Variants in IL36B observed in about 807,000 individuals in gnomAD.
The protein encoded by IL36B is interleukin 36 beta.
IL36B carries 23 observed loss-of-function variants against 19.3 expected under a neutral mutation model. The observed-to-expected ratio is 1.19, with a 90% CI of 0.86 to 1.69. The LOEUF (loss-of-function observed/expected upper bound fraction) is 1.69, where lower values mean the gene tolerates loss of function less well. Among genes scored for constraint, IL36B ranks in the 40% most tolerant of loss-of-function variants. The pLI is 0.00. For missense variants in IL36B, 217 were observed against 200.5 expected, an observed-to-expected ratio of 1.08 and a Z score of -0.50; for synonymous variants, 59 against 59.7, an observed-to-expected ratio of 0.99 and a Z score of 0.05.
chr2:113,023,108 A>T (rs767208011), intron 5 of IL36B, among the ~76,000 whole-genome samples: 1 of 152,222 alleles, frequency 6.6e-6, no homozygotes, highest in East Asian at 1.9e-4. Context: ...TGGCATCAAC[A>T]TAGTTTCTAA....
intron 5 of IL36B, among the ~76,000 whole-genome samples, chr2:113,023,649 G>A (rs1051023110): frequency 3.3e-5 from 5 of 152,172 alleles, no homozygotes; most frequent in African/African-American, 1.2e-4. Flanking sequence ...CAACCATTAA[G>A]GGAATGACAT....
At chr2:113,047,951 A>C (rs1002246706) in intron 1 of IL36B, among the ~76,000 whole-genome samples, 2 of 152,202 alleles carry the variant, frequency 1.3e-5, no homozygotes, top group African/African-American at 2.4e-5. Flanking sequence ...AAAAATAAAT[A>C]TAAAACAGAT....
chr2:113,025,964 T>C (rs1338818117), intron 5 of IL36B: 1 of 1,366,324 alleles, frequency 7.3e-7, no homozygotes, highest in African/African-American at 1.5e-5. Context: ...GAGAAGTCAA[T>C]TCAGGATGTA....
rs545983924 is a variant in IL36B, at chr2:113,047,666, G to A, written c.-58+5151C>T. Reference sequence around the variant, plus strand: ...TTTCCAGGCCAGACAGTGGGAACAGGTATTGTGACCTTTGAAATGTTTTTA... The same window carrying A: ...TTTCCAGGCCAGACAGTGGGAACAGATATTGTGACCTTTGAAATGTTTTTA... On this transcript the variant is annotated intron_variant, in intron 1 of 5. Transcript: ENST00000259213. Among the ~76,000 whole-genome samples the A allele has an allele frequency of 6.6e-5, 10 of 152,272 alleles. No individual in the cohort carries two copies. The South Asian group carries it at 2.1e-3, about 32-fold the overall frequency.
intron 1 of IL36B, among the ~76,000 whole-genome samples, chr2:113,034,404 C>T (rs1685130729): frequency 6.6e-6 from 1 of 152,224 alleles, no homozygotes; most frequent in African/African-American, 2.4e-5. Context: ...GTCCCTCACC[C>T]ATGTCCTAGC....
In IL36B at chr2:113,028,975, A is replaced by G; in HGVS notation, c.225T>C (p.Cys75=). The change falls in exon 4 of 6, where the codon TGT becomes TGC. Residue 75 remains cysteine (C), a synonymous_variant. Transcript: ENST00000259213. ...AAGTAGGCTTGCCCTGAATTTCTGC[A>G]CAGAAGAGACAGAGATCTTTTCCCT... 2.5e-6 allele frequency: 4 copies of G among 1,614,198 alleles called. No individual in the cohort carries two copies. Among genetic ancestry groups the G allele is most frequent in the African/African-American group, 2.7e-5 (2 of 75,072 alleles).
rs753278212 is a variant in IL36B, at chr2:113,028,895, G to C, written c.261+44C>G. 1.1e-5 allele frequency: 17 copies of C among 1,589,328 alleles called. No homozygotes were observed. In the South Asian group the frequency reaches 1.7e-4, roughly 16 times the overall value. ...AGTAACATAGTAAATGAAATAGAAA[G>C]TCCATATGACAGTACTTCTCTCGTT... On this transcript the variant is annotated intron_variant, in intron 4 of 5. Coordinates refer to ENST00000259213, the MANE Select transcript of IL36B (RefSeq NM_014438.5).
chr2:113,051,014 A>C (rs920652521), intron 1 of IL36B, among the ~76,000 whole-genome samples: 2 of 151,648 alleles, frequency 1.3e-5, no homozygotes, highest in African/African-American at 4.9e-5. Flanking sequence ...TGATCCTTGA[A>C]TCGGAGGCCG....
chr2:113,022,625 G>A lies in IL36B; in HGVS notation c.*49C>T. 1.7e-6 allele frequency: 2 copies of A among 1,199,834 alleles called. No homozygotes were observed. Among genetic ancestry groups the A allele is most frequent in the Non-Finnish European group, 2.5e-6 (2 of 803,980 alleles). 74.3% of individuals were successfully genotyped at this position (1,199,834 alleles called of 1,614,324 possible). ...TTCCATTTGTAGCATTTCATTGATA[G>A]CAAACCCACTCAAAGATTGTAGAGA... On this transcript the variant is annotated 3_prime_UTR_variant, in exon 6 of 6. Coordinates refer to ENST00000259213, the MANE Select transcript of IL36B (RefSeq NM_014438.5).
In IL36B at chr2:113,028,117, T is replaced by C; in HGVS notation, c.261+822A>G. ...ATACAGGTCCATGATATTTTTTTCC[T>C]GGGGGTGGAAAAGAGGCTTGTTAGA... On this transcript the variant is annotated intron_variant, in intron 4 of 5. Coordinates refer to ENST00000259213, the MANE Select transcript of IL36B (RefSeq NM_014438.5). 1 of 1,613,350 alleles carries C rather than the reference T, an allele frequency of 6.2e-7. No individual in the cohort carries two copies. The highest frequency in any genetic ancestry group is 8.5e-7 in the Non-Finnish European group (1 of 1,179,530).
chr2:113,041,028 G>A (rs534763728), intron 1 of IL36B, among the ~76,000 whole-genome samples: 39 of 152,226 alleles, frequency 2.6e-4, no homozygotes, highest in African/African-American at 4.6e-4. Context: ...GGTGGCTTGC[G>A]CCTGTGGTCC....
In IL36B at chr2:113,031,495, A is replaced by G. The variant is rs558160566; in HGVS notation, c.13+202T>C. 1.2e-4 allele frequency among the ~76,000 whole-genome samples: 19 copies of G among 152,326 alleles called. No individual in the cohort carries two copies. The South Asian group carries it at 3.7e-3, about 30-fold the overall frequency. On this transcript the variant is annotated intron_variant, in intron 2 of 5. Transcript: ENST00000259213. ...GTTGTTTTTTAAAATCCTCTCATCA[A>G]AATAAACAAGCAATTCTAAATACAG...
intron 4 of IL36B, chr2:113,027,699 C>T (rs1179587866): frequency 2.1e-6 from 3 of 1,408,610 alleles, no homozygotes; most frequent in East Asian, 2.6e-5. Context: ...TTTTAGGTTT[C>T]ATCTTGGGAT....
chr2:113,030,999 G>T, intron 3 of IL36B, 49 bp downstream of exon 3: 2 of 1,333,702 alleles, frequency 1.5e-6, no homozygotes, highest in Non-Finnish European at 2.2e-6. Context: ...CATTCCTGGT[G>T]AAGATGGCAT....
At position 113,046,497 on chromosome 2, in the gene IL36B, C is replaced by T. The variant is rs532455800; in HGVS notation, c.-58+6320G>A. On this transcript the variant is annotated intron_variant, in intron 1 of 5. Transcript: ENST00000259213. ...TGTTGGGATTACAGGCGTGAGCCAC[C>T]GCGCCTGCCCTCTTCAGTTTTTATC... Among the ~76,000 whole-genome samples, 128 of 152,276 alleles carry T rather than the reference C, an allele frequency of 8.4e-4. 2 individuals are homozygous for T. The highest frequency in any genetic ancestry group is 7.1e-3 in the Admixed American group (109 of 15,288).
chr2:113,043,411 T>C (rs1438450297), intron 1 of IL36B, among the ~76,000 whole-genome samples: 1 of 152,224 alleles, frequency 6.6e-6, no homozygotes, highest in Non-Finnish European at 1.5e-5. Flanking sequence ...GTAGATTATG[T>C]TTTCCATTTT....
intron 1 of IL36B, 38 bp from the exon 2 acceptor site, chr2:113,031,804 A>C: frequency 1.0e-6 from 1 of 965,578 alleles, no homozygotes; most frequent in Non-Finnish European, 1.6e-6. Flanking sequence ...GGAGAGAAGA[A>C]ACATGTTATG....
chr2:113,037,029 A>G (rs943875931), intron 1 of IL36B, among the ~76,000 whole-genome samples: 4 of 152,224 alleles, frequency 2.6e-5, no homozygotes, highest in African/African-American at 9.6e-5. Context: ...AGTTGAGGGA[A>G]CCTTGGCTCT....
At chr2:113,046,762 C>G (rs2105057107) in intron 1 of IL36B, among the ~76,000 whole-genome samples, 2 of 151,518 alleles carry the variant, frequency 1.3e-5, no homozygotes, top group Middle Eastern at 6.8e-3. Context: ...TATATCATAT[C>G]TAAGGTACAT....
Sources: gnomAD v4.1 joint callset for allele counts (sites outside exome capture counted in the v4.1 genomes callset) on GRCh38, gnomAD v4.1.1 for gene constraint, MANE v1.5 for transcripts, NCBI Gene and HGNC (gene_info 2026-07-23, HGNC 2026-07-21) for gene names.